The following NRXN3 variants were observed in gnomAD, a reference collection of about 807,000 sequenced individuals.
NRXN3 encodes neurexin III.
In NRXN3, 32 loss-of-function variants were observed where a neutral mutation model predicts 137.6. That is an observed-to-expected ratio of 0.23 (90% CI 0.18 to 0.31). The LOEUF is 0.31. NRXN3 is among the 10% of genes least tolerant of loss of function. The pLI is 1.00. For synonymous variants in NRXN3, 798 were observed against 784.5 expected, an observed-to-expected ratio of 1.02 and a Z score of -0.29; for missense variants, 1,574 against 2,062.5, an observed-to-expected ratio of 0.76 and a Z score of 4.59.
intron 8 of NRXN3, among the ~76,000 whole-genome samples, chr14:78,792,958 G>A (rs1454063540): frequency 6.6e-6 from 1 of 152,058 alleles, no homozygotes; most frequent in African/African-American, 2.4e-5. Flanking sequence ...TAAAAATGTT[G>A]TTACCATACA....
At chr14:78,642,755 C>T (rs2097647997) in intron 4 of NRXN3, among the ~76,000 whole-genome samples, 1 of 152,162 alleles carries the variant, frequency 6.6e-6, no homozygotes, top group East Asian at 1.9e-4. Flanking sequence ...GACGATTCTT[C>T]AGAAATGAGG....
chr14:79,245,035 T>C (rs1332873484), intron 15 of NRXN3, among the ~76,000 whole-genome samples: 1 of 152,160 alleles, frequency 6.6e-6, no homozygotes, highest in Non-Finnish European at 1.5e-5. Flanking sequence ...GTCTCAAGTC[T>C]CCAGCCTGCG....
chr14:79,439,607 A>G (rs2095899339), intron 15 of NRXN3, among the ~76,000 whole-genome samples: 1 of 152,208 alleles, frequency 6.6e-6, no homozygotes, highest in South Asian at 2.1e-4. Flanking sequence ...TCATTTGCTC[A>G]TTTTATTTAA....
chr14:79,345,861 T>C (rs2092847102), intron 15 of NRXN3, among the ~76,000 whole-genome samples: 1 of 152,164 alleles, frequency 6.6e-6, no homozygotes, highest in African/African-American at 2.4e-5. Context: ...GATCCATGAA[T>C]CAGTTAAACC....
intron 4 of NRXN3, among the ~76,000 whole-genome samples, chr14:78,623,354 C>T (rs1014736545): frequency 2.6e-5 from 4 of 152,122 alleles, no homozygotes; most frequent in East Asian, 1.9e-4. Context: ...CAATCTCTAA[C>T]GTGTGAAAAA....
At chr14:78,250,532 G>C (rs2068442583) in intron 2 of NRXN3, among the ~76,000 whole-genome samples, 1 of 152,226 alleles carries the variant, frequency 6.6e-6, no homozygotes, top group Non-Finnish European at 1.5e-5. Flanking sequence ...ATTTGCTCCT[G>C]CCCAAGAGCA....
At chr14:79,636,922 A>G (rs1269589116) in intron 16 of NRXN3, among the ~76,000 whole-genome samples, 3 of 152,322 alleles carry the variant, frequency 2.0e-5, no homozygotes, top group Middle Eastern at 3.4e-3. Flanking sequence ...AGGATAAATG[A>G]CTTGACTAAG....
At chr14:78,729,215 C>T (rs1360709905) in intron 8 of NRXN3, among the ~76,000 whole-genome samples, 2 of 152,122 alleles carry the variant, frequency 1.3e-5, no homozygotes, top group African/African-American at 4.8e-5. Context: ...GATCAGAAAA[C>T]TAAAATAAAT....
chr14:79,776,380 A>T (rs1011305967), intron 19 of NRXN3, among the ~76,000 whole-genome samples: 7 of 152,172 alleles, frequency 4.6e-5, no homozygotes, highest in African/African-American at 1.7e-4. Context: ...CAATGGACCA[A>T]TATGGCTTGT....
Position 79,692,254 on chromosome 14 carries a change from A to C in NRXN3, c.3698A>C (p.Gln1233Pro). Residue 1233 changes from glutamine (Q) to proline (P), a missense_variant, in exon 18 of 21, where the codon CAG (glutamine) becomes CCG (proline). Around this residue, in one of 5 missense-constraint regions of NRXN3, gnomAD observed 133 missense variants for 241.8 expected, o/e 0.55. Coordinates refer to ENST00000335750, the MANE Select transcript of NRXN3 (RefSeq NM_001330195.2). ...KYNRPVEEWL[Q>P]EKGRQLTIFN... ...AATCGGCCTGTAGAGGAGTGGCTGCAGGAAAAAGGTAACCGTCATTAAAAC... is the reference window on the plus strand; with the variant it reads ...AATCGGCCTGTAGAGGAGTGGCTGCCGGAAAAAGGTAACCGTCATTAAAAC... 1 of 1,605,232 alleles carries C rather than the reference A, an allele frequency of 6.2e-7. No homozygotes were observed. The highest frequency in any genetic ancestry group is 8.5e-7 in the Non-Finnish European group (1 of 1,175,916).
At chr14:78,927,839 T>A (rs2099310219) in intron 10 of NRXN3, among the ~76,000 whole-genome samples, 1 of 152,142 alleles carries the variant, frequency 6.6e-6, no homozygotes, top group African/African-American at 2.4e-5. Context: ...TAAGGCACCA[T>A]GGTTAGTGTC....
At chr14:79,302,413 A>G (rs899665822) in intron 15 of NRXN3, among the ~76,000 whole-genome samples, 9 of 152,002 alleles carry the variant, frequency 5.9e-5, no homozygotes, top group African/African-American at 2.2e-4. Context: ...TCATGGTGGA[A>G]GGTAAAGAAA....
chr14:79,580,314 G>A (rs574865737), intron 16 of NRXN3, among the ~76,000 whole-genome samples: 2 of 152,248 alleles, frequency 1.3e-5, no homozygotes, highest in African/African-American at 4.8e-5. Flanking sequence ...TTCAATAGTG[G>A]GATTGCTGGT....
At chr14:78,426,429 C>G (rs1050588673) in intron 4 of NRXN3, among the ~76,000 whole-genome samples, 3 of 152,200 alleles carry the variant, frequency 2.0e-5, no homozygotes, top group African/African-American at 7.2e-5. Flanking sequence ...TTCTACTCTT[C>G]TAGGTTCCTG....
chr14:78,350,939 A>T (rs529962306), intron 4 of NRXN3, among the ~76,000 whole-genome samples: 10 of 151,390 alleles, frequency 6.6e-5, no homozygotes, highest in Non-Finnish European at 1.2e-4. Context: ...TTTACATTGT[A>T]TCTTATGTAC....
intron 10 of NRXN3, among the ~76,000 whole-genome samples, chr14:78,839,473 C>T (rs1194765893): frequency 6.6e-6 from 1 of 152,168 alleles, no homozygotes; most frequent in East Asian, 1.9e-4. Flanking sequence ...CTTCTTTTCC[C>T]CTTTTATGCT....
chr14:79,070,254 G>A (rs78926856), intron 15 of NRXN3, among the ~76,000 whole-genome samples: 4,296 of 152,256 alleles, frequency 0.028, 201 homozygotes, highest in African/African-American at 0.098. Context: ...ATTCTATTAT[G>A]AAACATTAAT....
chr14:79,065,694 C>G (rs912679104), intron 15 of NRXN3, among the ~76,000 whole-genome samples: 3 of 152,040 alleles, frequency 2.0e-5, no homozygotes, highest in Non-Finnish European at 2.9e-5. Context: ...TATGGTTTGC[C>G]AGTAATCTCT....
At position 78,501,352 on chromosome 14, in the gene NRXN3, A is replaced by G. The variant is rs532770379; in HGVS notation, c.758-143768A>G. Among the ~76,000 whole-genome samples, 32 of 152,208 alleles carry G rather than the reference A, an allele frequency of 2.1e-4. No individual in the cohort carries two copies. The South Asian group carries it at 6.4e-3, about 31-fold the overall frequency. The stretch of plus-strand genomic sequence containing the variant: ...GGCAGGATTTAGTTCCTCACTGGCT[A>G]TTGGCCAGATCCCTCCCTCATTGCC... On this transcript the variant is annotated intron_variant, in intron 4 of 20. Transcript: ENST00000335750.
Sources: allele counts gnomAD v4.1 joint callset (sites outside exome capture counted in the v4.1 genomes callset), GRCh38; gene constraint gnomAD v4.1.1; regional missense constraint gnomAD v4.1.1; transcripts MANE v1.5; gene names NCBI Gene and HGNC (gene_info 2026-07-23, HGNC 2026-07-21).